The following RIMBP2 variants were observed in gnomAD, a reference collection of about 807,000 sequenced individuals.
RIMBP2 encodes the protein RIMS-binding protein 2.
RIMBP2 carries 48 observed loss-of-function variants against 118.6 expected under a neutral mutation model. The ratio of observed to expected loss-of-function variants is 0.40; its 90% CI spans 0.32 to 0.51. RIMBP2 has a LOEUF of 0.51. Ranked by LOEUF, RIMBP2 falls within the 20% of genes least tolerant of loss-of-function variation. The pLI, the probability that RIMBP2 is intolerant of heterozygous loss-of-function variation, is 0.41. For synonymous variants in RIMBP2, 762 were observed against 742.9 expected (o/e 1.03, Z -0.42); for missense variants, 1,551 against 1,768.3 (o/e 0.88, Z 2.20).
intron 2 of RIMBP2, among the ~76,000 whole-genome samples, chr12:130,554,355 T>C (rs1429671580): frequency 6.6e-6 from 1 of 152,182 alleles, no homozygotes; most frequent in Non-Finnish European, 1.5e-5. Flanking sequence ...AGGGAGTGAT[T>C]AGCATTCTGC....
chr12:130,583,564 C>T (rs1187671110), intron 2 of RIMBP2, among the ~76,000 whole-genome samples: 2 of 144,038 alleles, frequency 1.4e-5, no homozygotes, highest in East Asian at 4.2e-4. Flanking sequence ...CGACCATCAC[C>T]ACCATCACCT....
chr12:130,572,380 C>A (rs1453308412), intron 2 of RIMBP2, among the ~76,000 whole-genome samples: 1 of 152,166 alleles, frequency 6.6e-6, no homozygotes, highest in Non-Finnish European at 1.5e-5. Context: ...TCACAAAAAA[C>A]CCATTGATTT....
intron 2 of RIMBP2, among the ~76,000 whole-genome samples, chr12:130,533,300 C>T (rs760472875): frequency 6.6e-5 from 10 of 151,986 alleles, no homozygotes; most frequent in African/African-American, 2.4e-4. Context: ...AGCAGGTATA[C>T]GAAAAAATGC....
chr12:130,476,707 C>G (rs1421724792), intron 5 of RIMBP2, among the ~76,000 whole-genome samples: 1 of 152,184 alleles, frequency 6.6e-6, no homozygotes, highest in Non-Finnish European at 1.5e-5. Context: ...CCCGTCAATC[C>G]GCCACTCAAG....
intron 14 of RIMBP2, 124 bp from the exon 15 acceptor site, chr12:130,428,461 G>T: frequency 1.0e-6 from 1 of 953,526 alleles, no homozygotes; most frequent in South Asian, 1.7e-5. Context: ...CCTAGAGACG[G>T]GCACAGGGTG....
chr12:130,536,831 GT>G, intron 2 of RIMBP2, among the ~76,000 whole-genome samples: 1 of 152,176 alleles, frequency 6.6e-6, no homozygotes, highest in South Asian at 2.1e-4. Flanking sequence ...GGTGACCGTG[GT>G]TGACAGCACC....
intron 2 of RIMBP2, among the ~76,000 whole-genome samples, chr12:130,618,409 A>G (rs1172401867): frequency 1.3e-5 from 2 of 152,094 alleles, no homozygotes; most frequent in Non-Finnish European, 2.9e-5. Context: ...TGGTCCAAGG[A>G]GCGAGCCCCA....
chr12:130,536,653 G>A (rs906267276), intron 2 of RIMBP2, among the ~76,000 whole-genome samples: 14 of 152,138 alleles, frequency 9.2e-5, no homozygotes, highest in Non-Finnish European at 1.8e-4. Context: ...GTCCAATATG[G>A]TGGCCACCAG....
At chr12:130,616,927 C>T (rs979108911) in intron 2 of RIMBP2, among the ~76,000 whole-genome samples, 1 of 152,172 alleles carries the variant, frequency 6.6e-6, no homozygotes, top group Non-Finnish European at 1.5e-5. Flanking sequence ...TCGGGGACTG[C>T]TTGTGTGGGC....
rs1449142588 is a variant in RIMBP2, at chr12:130,710,388, G to A, written c.-352+5834C>T. On this transcript the variant is annotated intron_variant, in intron 1 of 22. Transcript: ENST00000690449. This position sits in a 1 kb window ranked among gnomAD's most constrained non-coding sequence, Gnocchi z 4.3. ...TCAGGGCAGCTGTCTCTGGTGTAGT[G>A]ATTATTCATTCACTTGCCCGTTGTC... Among the ~76,000 whole-genome samples the A allele has an allele frequency of 6.6e-6, 1 of 152,022 alleles. No homozygotes were observed. The highest frequency in any genetic ancestry group is 2.4e-5 in the African/African-American group (1 of 41,376).
intron 2 of RIMBP2, among the ~76,000 whole-genome samples, chr12:130,521,262 C>T (rs182855027): frequency 9.7e-4 from 148 of 152,286 alleles, no homozygotes; most frequent in African/African-American, 3.4e-3. Context: ...AGAAATTTTG[C>T]AGGAATACCA....
At chr12:130,709,855 C>T (rs928178167) in intron 1 of RIMBP2, among the ~76,000 whole-genome samples, 1 of 152,120 alleles carries the variant, frequency 6.6e-6, no homozygotes, top group Non-Finnish European at 1.5e-5. Flanking sequence ...CCTCAGGAGG[C>T]CCCTGCTGCC....
intron 11 of RIMBP2, among the ~76,000 whole-genome samples, chr12:130,441,411 A>AATAATC (rs1555251177): frequency 1.4e-4 from 16 of 114,176 alleles, no homozygotes; most frequent in East Asian, 8.5e-4. Flanking sequence ...AAATAATAAT[A>AATAATC]ATAATAATAA....
chr12:130,596,356 A>G (rs1176815234), intron 2 of RIMBP2, among the ~76,000 whole-genome samples: 1 of 152,110 alleles, frequency 6.6e-6, no homozygotes, highest in Non-Finnish European at 1.5e-5. Context: ...GACAAAACCC[A>G]GAAAGGGGCA....
chr12:130,443,186 G>A (rs1366744376), intron 10 of RIMBP2, among the ~76,000 whole-genome samples: 1 of 151,460 alleles, frequency 6.6e-6, no homozygotes, highest in Non-Finnish European at 1.5e-5. Flanking sequence ...AATGCACAAT[G>A]TGTCCAATTT....
intron 4 of RIMBP2, among the ~76,000 whole-genome samples, chr12:130,496,582 A>G (rs2049181232): frequency 6.6e-6 from 1 of 152,052 alleles, no homozygotes; most frequent in South Asian, 2.1e-4. Context: ...AGACCAGCAC[A>G]CAGTGATACC....
intron 2 of RIMBP2, among the ~76,000 whole-genome samples, chr12:130,534,866 T>C (rs2053848013): frequency 6.6e-6 from 1 of 152,178 alleles, no homozygotes; most frequent in Admixed American, 6.5e-5. Flanking sequence ...TGTCTATCTG[T>C]CTAGGAAACG....
At chr12:130,634,972 G>C (rs1178040890) in intron 1 of RIMBP2, among the ~76,000 whole-genome samples, 2 of 152,032 alleles carry the variant, frequency 1.3e-5, no homozygotes, top group African/African-American at 4.8e-5. Flanking sequence ...TAAAGTCACA[G>C]AATCCAGAGC....
chr12:130,573,239 T>C (rs1356940139), intron 2 of RIMBP2, among the ~76,000 whole-genome samples: 1 of 151,758 alleles, frequency 6.6e-6, no homozygotes, highest in Non-Finnish European at 1.5e-5. Context: ...TATATTTTTA[T>C]ATTTATATAT....
Sources: allele counts gnomAD v4.1 joint callset (sites outside exome capture counted in the v4.1 genomes callset), GRCh38; gene constraint gnomAD v4.1.1; non-coding constraint Gnocchi (gnomAD v3.1); transcripts MANE v1.5; gene names NCBI Gene and HGNC (gene_info 2026-07-23, HGNC 2026-07-21).